The following KCNQ5 variants were observed in gnomAD, a reference collection of about 807,000 sequenced individuals.
KCNQ5 encodes the protein potassium voltage-gated channel subfamily KQT member 5.
In KCNQ5, 30 loss-of-function variants were observed where a neutral mutation model predicts 98.2. The observed-to-expected ratio is 0.31, with a 90% CI of 0.23 to 0.41. The LOEUF (loss-of-function observed/expected upper bound fraction) is 0.41, where lower values mean the gene tolerates loss of function less well. KCNQ5 is among the 10% of genes least tolerant of loss of function. The pLI is 1.00. For missense variants in KCNQ5, 835 were observed against 1,182.5 expected, an observed-to-expected ratio of 0.71 and a Z score of 4.31; for synonymous variants, 458 against 449.4, an observed-to-expected ratio of 1.02 and a Z score of -0.24.
intron 1 of KCNQ5, among the ~76,000 whole-genome samples, chr6:72,908,266 A>G (rs1040271597): frequency 6.6e-6 from 1 of 152,116 alleles, no homozygotes; most frequent in Non-Finnish European, 1.5e-5. Flanking sequence ...TGTAGGATGA[A>G]CAAGTCTAGA....
At chr6:72,975,776 C>A (rs1446948277) in intron 1 of KCNQ5, among the ~76,000 whole-genome samples, 1 of 152,164 alleles carries the variant, frequency 6.6e-6, no homozygotes, top group Non-Finnish European at 1.5e-5. Context: ...AGTAGCAATT[C>A]CCCACTCCAC....
At position 73,069,811 on chromosome 6, in the gene KCNQ5, G is replaced by A. The variant is rs536646930; in HGVS notation, c.617-7511G>A. On this transcript the variant is annotated intron_variant, in intron 3 of 13. Transcript: ENST00000370398. ...TAGCAGAATTTGATCTTTCTTCTAT[G>A]TATTGGAAGGCCTTTTTTAAATCAC... Among the ~76,000 whole-genome samples, 3 of 152,234 alleles carry A rather than the reference G, an allele frequency of 2.0e-5. No homozygotes were observed. In the South Asian group the frequency reaches 6.2e-4, roughly 32 times the overall value.
At chr6:72,952,711 G>T (rs1562089877) in intron 1 of KCNQ5, among the ~76,000 whole-genome samples, 1 of 152,026 alleles carries the variant, frequency 6.6e-6, no homozygotes, top group Non-Finnish European at 1.5e-5. Flanking sequence ...CCTTCTTTGA[G>T]GTGCCCTTTC....
intron 1 of KCNQ5, among the ~76,000 whole-genome samples, chr6:72,842,509 A>G (rs1263805862): frequency 1.3e-5 from 2 of 152,182 alleles, no homozygotes; most frequent in East Asian, 3.8e-4. Context: ...ATCTAAGATC[A>G]TACTGGTGGA....
In KCNQ5 at chr6:72,987,105, C is replaced by T. The variant is rs1768817841; in HGVS notation, c.399-16803C>T. 7 of 657,566 alleles carry T rather than the reference C, an allele frequency of 1.1e-5. No individual in the cohort carries two copies. The Middle Eastern group carries it at 8.4e-4, about 79-fold the overall frequency. 40.7% of individuals were successfully genotyped at this position (657,566 alleles called of 1,614,324 possible). On this transcript the variant is annotated intron_variant, in intron 1 of 13. Transcript: ENST00000370398. ...TAAAACGAAGCCAAAGTTGAGGCTC[C>T]GGAATACATCCATCCCCAAAGGAGA...
chr6:72,785,256 C>G (rs1408203003), intron 1 of KCNQ5, among the ~76,000 whole-genome samples: 1 of 152,130 alleles, frequency 6.6e-6, no homozygotes, highest in Non-Finnish European at 1.5e-5. Flanking sequence ...TGACTATGCT[C>G]CTTTGGTCTG....
chr6:72,929,608 T>C (rs1219562108), intron 1 of KCNQ5, among the ~76,000 whole-genome samples: 1 of 152,248 alleles, frequency 6.6e-6, no homozygotes, highest in Admixed American at 6.5e-5. Context: ...CAATGGAGTA[T>C]ATAAAGTACA....
intron 1 of KCNQ5, among the ~76,000 whole-genome samples, chr6:72,700,755 A>G (rs1177426272): frequency 2.0e-5 from 3 of 152,214 alleles, no homozygotes; most frequent in African/African-American, 7.2e-5. Flanking sequence ...TACACAAAGC[A>G]GAGACCTAGC....
At chr6:73,049,151 T>C (rs902684152) in intron 3 of KCNQ5, among the ~76,000 whole-genome samples, 3 of 152,242 alleles carry the variant, frequency 2.0e-5, no homozygotes, top group Non-Finnish European at 4.4e-5. Context: ...AGTTTGTCTT[T>C]GTGGTGCCTT....
At chr6:73,125,038 G>GTATAT (rs1562193595) in intron 9 of KCNQ5, among the ~76,000 whole-genome samples, 3 of 130,796 alleles carry the variant, frequency 2.3e-5, no homozygotes, top group Non-Finnish European at 4.7e-5. Context: ...TATATGTATA[G>GTATAT]GTATATATAC....
intron 7 of KCNQ5, among the ~76,000 whole-genome samples, chr6:73,113,211 A>G (rs1180433918): frequency 6.6e-6 from 1 of 152,178 alleles, no homozygotes; most frequent in Non-Finnish European, 1.5e-5. Context: ...TTTTCTCTTT[A>G]CTGTTCTTAT....
At chr6:73,098,533 A>C (rs7742937) in intron 5 of KCNQ5, among the ~76,000 whole-genome samples, 5,227 of 152,294 alleles carry the variant, frequency 0.034, 273 homozygotes, top group African/African-American at 0.12. Flanking sequence ...CGTGCAATGG[A>C]GCTCCAATAC....
intron 1 of KCNQ5, among the ~76,000 whole-genome samples, chr6:72,668,202 A>G (rs765743516): frequency 6.6e-6 from 1 of 152,150 alleles, no homozygotes; most frequent in Non-Finnish European, 1.5e-5. Context: ...CTTTTTCTAT[A>G]ATTCTTAATA....
chr6:73,057,483 AAAAT>A (rs1180724511), intron 3 of KCNQ5, among the ~76,000 whole-genome samples: 24 of 152,252 alleles, frequency 1.6e-4, no homozygotes, highest in East Asian at 5.8e-4. Context: ...GTATAGTAAA[AAAAT>A]AAATAAATAA....
chr6:72,941,351 T>C (rs1431006855), intron 1 of KCNQ5, among the ~76,000 whole-genome samples: 1 of 41,438 alleles, frequency 2.4e-5, no homozygotes, highest in East Asian at 1.5e-3. Context: ...CTTTCTTCCT[T>C]CCTTCTTTTC....
At chr6:72,664,692 C>A (rs1377587396) in intron 1 of KCNQ5, among the ~76,000 whole-genome samples, 1 of 140,492 alleles carries the variant, frequency 7.1e-6, no homozygotes, top group Non-Finnish European at 1.5e-5. Context: ...AACAAACAAA[C>A]AAAAAACACA....
chr6:72,838,949 CA>C lies in KCNQ5; in HGVS notation c.399-164936del, dbSNP rs67894922. 9.8e-3 allele frequency among the ~76,000 whole-genome samples: 575 copies of C among 58,704 alleles called. 11 individuals are homozygous for C. The highest frequency in any genetic ancestry group is 0.079 in the Admixed American group (387 of 4,902). The allele number at this position is 58,704 out of a possible 152,430, so 38.5% of individuals were successfully genotyped here. ...TGGGCGACAGAGCGAGACTCCGTCT[CA>C]AAAAAAAAAAAAAAAAAAAAAAGAA... On this transcript the variant is annotated intron_variant, in intron 1 of 13. Transcript: ENST00000370398.
chr6:72,796,822 A>C (rs939665609), intron 1 of KCNQ5, among the ~76,000 whole-genome samples: 4 of 152,232 alleles, frequency 2.6e-5, no homozygotes, highest in Non-Finnish European at 5.9e-5. Context: ...TGATACAAAA[A>C]ATTCCAAAGG....
intron 1 of KCNQ5, among the ~76,000 whole-genome samples, chr6:72,923,962 C>T (rs1302924964): frequency 6.6e-6 from 1 of 152,098 alleles, no homozygotes; most frequent in Non-Finnish European, 1.5e-5. Flanking sequence ...GTTTCCTTTT[C>T]AGGTCAAGAT....
Sources: allele counts gnomAD v4.1 joint callset (sites outside exome capture counted in the v4.1 genomes callset), GRCh38; gene constraint gnomAD v4.1.1; transcripts MANE v1.5; gene names NCBI Gene and HGNC (gene_info 2026-07-23, HGNC 2026-07-21).